The following MATN2 variants were observed in gnomAD, a reference collection of about 807,000 sequenced individuals.
MATN2 encodes the protein matrilin 2, also known as matrilin-2.
MATN2 carries 69 observed loss-of-function variants against 103.2 expected under a neutral mutation model. That is an observed-to-expected ratio of 0.67 (90% CI 0.55 to 0.82). The LOEUF (loss-of-function observed/expected upper bound fraction) is 0.82. MATN2 is among the 40% of genes least tolerant of loss of function. The pLI is 0.00. For missense variants in MATN2, 1,023 were observed against 1,211.5 expected (o/e 0.84, Z 2.31); for synonymous variants, 429 against 450.2 (o/e 0.95, Z 0.60).
Position 97,905,790 on chromosome 8 carries a change from G to T in MATN2, c.142+17548G>T, listed in dbSNP as rs183362937. 2.6e-5 allele frequency among the ~76,000 whole-genome samples: 4 copies of T among 152,198 alleles called. No homozygotes were observed. In the East Asian group the frequency reaches 5.8e-4, roughly 22 times the overall value. On this transcript the variant is annotated intron_variant, in intron 2 of 18. Transcript: ENST00000254898. Reference sequence around the variant, plus strand: ...TGATCTTTCCACCTCAGCCTCCCAAGTAGTTGGGACTACAGGCACACACCA... The same window carrying T: ...TGATCTTTCCACCTCAGCCTCCCAATTAGTTGGGACTACAGGCACACACCA...
intron 7 of MATN2, among the ~76,000 whole-genome samples, chr8:97,994,992 A>AG (rs1173338345): frequency 6.6e-6 from 1 of 152,220 alleles, no homozygotes; most frequent in Non-Finnish European, 1.5e-5. Context: ...GGATGCTAAG[A>AG]GGGAGGACAT....
chr8:97,912,646 C>A (rs986091687), intron 2 of MATN2, among the ~76,000 whole-genome samples: 6 of 152,044 alleles, frequency 3.9e-5, no homozygotes, highest in Non-Finnish European at 8.8e-5. Flanking sequence ...CCTGCAGAGA[C>A]GTAGGGGTGG....
rs114455602 is a variant in MATN2 at position 97,898,834 on chromosome 8, C to T, written c.142+10592C>T. Among the ~76,000 whole-genome samples, 1,512 of 152,218 alleles carry T rather than the reference C, an allele frequency of 9.9e-3. 10 individuals are homozygous for T. The highest frequency in any genetic ancestry group is 0.031 in the East Asian group (159 of 5,184). Reference sequence around the variant, plus strand: ...GTGCGATCATGGCTCACTGCAGCCTCGACCTCCAGGCCCAGGTGATCCTCC... The same window carrying T: ...GTGCGATCATGGCTCACTGCAGCCTTGACCTCCAGGCCCAGGTGATCCTCC... On this transcript the variant is annotated intron_variant, in intron 2 of 18. Coordinates refer to ENST00000254898, the MANE Select transcript of MATN2 (RefSeq NM_002380.5).
At chr8:97,923,934 C>A (rs952629762) in intron 2 of MATN2, among the ~76,000 whole-genome samples, 4 of 152,170 alleles carry the variant, frequency 2.6e-5, no homozygotes, top group Admixed American at 2.0e-4. Context: ...TCAGTTTAAA[C>A]CTCCTATCTT....
intron 1 of MATN2, among the ~76,000 whole-genome samples, chr8:97,887,529 C>A (rs75955305): frequency 0.07 from 10,591 of 152,238 alleles, 413 homozygotes; most frequent in African/African-American, 0.089. Context: ...TACCAGAGTC[C>A]AAGCCCATAA....
chr8:97,927,784 CA>C (rs1810036400), intron 2 of MATN2, among the ~76,000 whole-genome samples: 1 of 152,148 alleles, frequency 6.6e-6, no homozygotes, highest in Admixed American at 6.5e-5. Context: ...ATGGAACTTC[CA>C]GGCTTCCCTT....
chr8:98,035,528 G>T, intron 18 of MATN2, 129 bp from the exon 19 acceptor site: 1 of 555,726 alleles, frequency 1.8e-6, no homozygotes, highest in South Asian at 2.7e-5. Context: ...TAACATACTT[G>T]ACAGAAATGG....
chr8:97,889,474 T>TATATATATATATATAC (rs1278069523), intron 2 of MATN2, among the ~76,000 whole-genome samples: 1 of 141,722 alleles, frequency 7.1e-6, no homozygotes, highest in East Asian at 2.2e-4. Context: ...TATATATATA[T>TATATATATATATATAC]ATATATATAT....
intron 4 of MATN2, among the ~76,000 whole-genome samples, chr8:97,946,274 G>A (rs1039480048): frequency 4.6e-5 from 7 of 152,160 alleles, no homozygotes; most frequent in Non-Finnish European, 1.0e-4. Flanking sequence ...AAGAATTTTA[G>A]CTTCCATCAC....
At chr8:97,915,813 T>C (rs894714922) in intron 2 of MATN2, among the ~76,000 whole-genome samples, 24 of 152,170 alleles carry the variant, frequency 1.6e-4, no homozygotes, top group Non-Finnish European at 2.4e-4. Flanking sequence ...AAATTACCTG[T>C]TTTGTTTCCT....
chr8:97,938,742 T>C (rs1810459634), intron 3 of MATN2, among the ~76,000 whole-genome samples: 1 of 152,232 alleles, frequency 6.6e-6, no homozygotes, highest in African/African-American at 2.4e-5. Context: ...AGTTAGAGAA[T>C]ACTAAACCAT....
intron 14 of MATN2, among the ~76,000 whole-genome samples, chr8:98,028,302 A>G (rs1248475329): frequency 6.6e-6 from 1 of 152,094 alleles, no homozygotes; most frequent in East Asian, 1.9e-4. Flanking sequence ...GGTGGATAAT[A>G]CTCTTGTGTT....
At chr8:97,955,356 T>A (rs1449566123) in intron 4 of MATN2, among the ~76,000 whole-genome samples, 1 of 152,190 alleles carries the variant, frequency 6.6e-6, no homozygotes, top group African/African-American at 2.4e-5. Context: ...AGTGGCTCCA[T>A]GGTGGCAGGG....
At chr8:97,914,328 G>T (rs1809548223) in intron 2 of MATN2, among the ~76,000 whole-genome samples, 2 of 143,046 alleles carry the variant, frequency 1.4e-5, no homozygotes, top group Admixed American at 7.0e-5. Flanking sequence ...ACCCTTCAGT[G>T]CTCCTCGTTT....
chr8:97,986,669 A>G (rs1812205934), intron 6 of MATN2, among the ~76,000 whole-genome samples: 1 of 152,160 alleles, frequency 6.6e-6, no homozygotes. Flanking sequence ...TATTTTCTTT[A>G]TCCACTTGTT....
chr8:97,968,382 G>A (rs1037027999), intron 5 of MATN2, among the ~76,000 whole-genome samples: 1 of 152,204 alleles, frequency 6.6e-6, no homozygotes, highest in Non-Finnish European at 1.5e-5. Flanking sequence ...TTCCTGTCCT[G>A]AAAATGCCTT....
intron 7 of MATN2, among the ~76,000 whole-genome samples, chr8:97,999,125 T>A (rs974709050): frequency 3.3e-5 from 5 of 152,256 alleles, no homozygotes; most frequent in Non-Finnish European, 7.3e-5. Flanking sequence ...CTTATATTGC[T>A]TGGCATAATG....
chr8:98,015,213 T>A (rs1019855233), intron 10 of MATN2, among the ~76,000 whole-genome samples: 30 of 152,238 alleles, frequency 2.0e-4, no homozygotes, highest in Non-Finnish European at 7.3e-5. Flanking sequence ...ATACAGCCAG[T>A]CTGACCACTT....
At chr8:97,962,101 T>G (rs954180372) in intron 5 of MATN2, among the ~76,000 whole-genome samples, 1 of 152,214 alleles carries the variant, frequency 6.6e-6, no homozygotes, top group Non-Finnish European at 1.5e-5. Context: ...AGGGCAGTGC[T>G]TGATGCTGCA....
Sources: allele counts gnomAD v4.1 joint callset (sites outside exome capture counted in the v4.1 genomes callset), GRCh38; gene constraint gnomAD v4.1.1; transcripts MANE v1.5; gene names NCBI Gene and HGNC (gene_info 2026-07-23, HGNC 2026-07-21).